Variants in BAIAP2 observed in about 807,000 individuals in gnomAD.
BAIAP2 encodes BAR/IMD domain-containing adapter protein 2.
Under a neutral mutation model 63.0 loss-of-function variants are expected in BAIAP2, and 18 were observed. That is an observed-to-expected ratio of 0.29 (90% CI 0.20 to 0.42). The LOEUF (loss-of-function observed/expected upper bound fraction) is 0.42, where lower values mean the gene tolerates loss of function less well. Among genes scored for constraint, BAIAP2 ranks in the 10% least tolerant of loss-of-function variants. The pLI, the probability that BAIAP2 is intolerant of heterozygous loss-of-function variation, is 1.00. For missense variants in BAIAP2, 610 were observed against 734.3 expected (o/e 0.83, Z 1.96); for synonymous variants, 386 against 307.6 (o/e 1.25, Z -2.67).
At chr17:81,113,958 CTTTTTTTTT>C (rs58758919) in intron 13 of BAIAP2, among the ~76,000 whole-genome samples, 68 of 83,178 alleles carry the variant, frequency 8.2e-4, no homozygotes, top group African/African-American at 2.8e-3. Flanking sequence ...TGGGAACCCA[CTTTTTTTTT>C]TTTTTTTTTT....
chr17:81,113,091 C>T lies in BAIAP2; in HGVS notation c.1536-2679C>T, dbSNP rs148584469. ...ACAATTTAAAAATTAGAAAAGCCAC[C>T]GGTCTCCCCTGCGGCCTTGCTTAGG... is the stretch of plus-strand genomic sequence containing the variant. On this transcript the variant is annotated intron_variant, in intron 13 of 13. Coordinates refer to ENST00000428708, the MANE Select transcript of BAIAP2 (RefSeq NM_001144888.2). Among the ~76,000 whole-genome samples, 392 of 152,212 alleles carry T rather than the reference C, an allele frequency of 2.6e-3. 3 individuals carry two copies. Among genetic ancestry groups the T allele is most frequent in the African/African-American group, 8.4e-3 (350 of 41,530 alleles).
At chr17:81,112,833 T>C (rs1029844903) in intron 13 of BAIAP2, among the ~76,000 whole-genome samples, 10 of 152,182 alleles carry the variant, frequency 6.6e-5, no homozygotes, top group African/African-American at 1.9e-4. Flanking sequence ...AGAGGATCTC[T>C]TGAGCCCAGG....
At chr17:81,094,548 G>A (rs997822044) in intron 6 of BAIAP2, among the ~76,000 whole-genome samples, 13 of 152,320 alleles carry the variant, frequency 8.5e-5, no homozygotes, top group Non-Finnish European at 1.8e-4. Context: ...CGGGGCCAGA[G>A]GGTGCGGCTT....
rs1351520450 is a variant in BAIAP2 at position 81,103,597 on chromosome 17, G to T, written c.738G>T (p.Gln246His). The change falls in exon 8 of 14, where the codon CAG (glutamine) becomes CAT (histidine). Residue 246 changes from glutamine (Q) to histidine (H), a missense_variant. By Grantham distance (24) the Gln-to-His change is conservative (BLOSUM62 0). This residue lies in a region of BAIAP2 where 389 missense variants were observed against 455.6 expected (regional missense o/e 0.85). Coordinates refer to ENST00000428708, the MANE Select transcript of BAIAP2 (RefSeq NM_001144888.2). ...AGCGCGCGGTGCAGCTCATGCAGCA[G>T]GTGGCCAGCAACGGCGCCACCCTCC... ...IPERAVQLMQQVASNGATLPS... is the reference protein window; with the variant it reads ...IPERAVQLMQHVASNGATLPS... 1.2e-6 allele frequency: 2 copies of T among 1,605,154 alleles called. 1 individual carries two copies. Among genetic ancestry groups the T allele is most frequent in the African/African-American group, 2.7e-5 (2 of 75,044 alleles).
intron 1 of BAIAP2, among the ~76,000 whole-genome samples, chr17:81,037,275 G>A (rs991566937): frequency 2.0e-5 from 3 of 152,358 alleles, no homozygotes; most frequent in South Asian, 2.1e-4. Flanking sequence ...GGCAGGACGC[G>A]GTGGGCCGCA....
At chr17:81,105,947 GTC>G (rs1568183904) in intron 10 of BAIAP2, 129 bp from the exon 11 acceptor site, 1 of 744,026 alleles carries the variant, frequency 1.3e-6, no homozygotes, top group South Asian at 1.7e-5. Flanking sequence ...CTGGAGCACT[GTC>G]TCTGTTGCTC....
In BAIAP2 at chr17:81,103,601, G is replaced by A. The variant is rs757844412; in HGVS notation, c.742G>A (p.Ala248Thr). ...ERAVQLMQQV[A>T]SNGATLPSAL... is the part of the protein sequence containing the mutation. ...CGCGGTGCAGCTCATGCAGCAGGTG[G>A]CCAGCAACGGCGCCACCCTCCCCAG... The change falls in exon 8 of 14, where the codon GCC becomes ACC. Residue 248 changes from alanine (A) to threonine (T), a missense_variant. Around this residue, in one of 5 missense-constraint regions of BAIAP2, gnomAD observed 389 missense variants for 455.6 expected, o/e 0.85. Coordinates refer to ENST00000428708, the MANE Select transcript of BAIAP2 (RefSeq NM_001144888.2). 1.9e-6 allele frequency: 3 copies of A among 1,605,020 alleles called. No individual in the cohort carries two copies. Among genetic ancestry groups the A allele is most frequent in the African/African-American group, 2.7e-5 (2 of 75,048 alleles).
At chr17:81,094,174 C>G (rs755227240) in intron 6 of BAIAP2, among the ~76,000 whole-genome samples, 30 of 152,316 alleles carry the variant, frequency 2.0e-4, no homozygotes, top group Non-Finnish European at 3.7e-4. Context: ...TCTTAGCCCC[C>G]ACTTCTCCTG....
chr17:81,115,840 T>G lies in BAIAP2; in HGVS notation c.*1T>G. The G allele has an allele frequency of 6.2e-7, 1 of 1,613,304 alleles. No individual in the cohort carries two copies. The highest frequency in any genetic ancestry group is 8.5e-7 in the Non-Finnish European group (1 of 1,180,004). ...CAGGTCTGCCCCCCTCCTCAGCTGA[T>G]GGCCACATCTGCAGTGCTGCCCATC... On this transcript the variant is annotated 3_prime_UTR_variant, in exon 14 of 14. Coordinates refer to ENST00000428708, the MANE Select transcript of BAIAP2 (RefSeq NM_001144888.2).
In BAIAP2 at chr17:81,115,876, C is replaced by T. The variant is rs752857619; in HGVS notation, c.*37C>T. ...GCAGTGCTGCCCATCTGGTGGCTTC[C>T]CCCGCCCTTCCCATGTAGCCTGTTC... On this transcript the variant is annotated 3_prime_UTR_variant, in exon 14 of 14. Coordinates refer to ENST00000428708, the MANE Select transcript of BAIAP2 (RefSeq NM_001144888.2). 1.2e-5 allele frequency: 19 copies of T among 1,610,798 alleles called. No individual in the cohort carries two copies. The African/African-American group carries it at 2.3e-4, about 19-fold the overall frequency.
At chr17:81,051,903 C>T (rs61590297) in intron 1 of BAIAP2, among the ~76,000 whole-genome samples, 5,630 of 152,238 alleles carry the variant, frequency 0.037, 367 homozygotes, top group African/African-American at 0.13. Flanking sequence ...TTGCCCAGGC[C>T]GGTCTTGAAC....
intron 7 of BAIAP2, among the ~76,000 whole-genome samples, chr17:81,101,150 C>T (rs1352086420): frequency 6.6e-6 from 1 of 152,102 alleles, no homozygotes; most frequent in East Asian, 1.9e-4. Flanking sequence ...AGTCCTGCAG[C>T]CCTGTGTTTC....
At chr17:81,100,139 A>G in intron 7 of BAIAP2, 59 bp downstream of exon 7, 1 of 1,547,796 alleles carries the variant, frequency 6.5e-7, no homozygotes, top group Non-Finnish European at 8.7e-7. Context: ...GAAATGACCC[A>G]GGCCCCTGCC....
chr17:81,081,535 C>G (rs1308328218), intron 3 of BAIAP2, among the ~76,000 whole-genome samples: 1 of 152,192 alleles, frequency 6.6e-6, no homozygotes, highest in African/African-American at 2.4e-5. Flanking sequence ...CTCCCGTCTC[C>G]TCCCCTGCCC....
intron 13 of BAIAP2, 38 bp downstream of exon 13, chr17:81,108,547 T>G: frequency 6.2e-7 from 1 of 1,613,428 alleles, no homozygotes; most frequent in Non-Finnish European, 8.5e-7. Context: ...GGACCGTGGG[T>G]GGGTGTGAAG....
At chr17:81,065,387 C>T (rs1460757085) in intron 3 of BAIAP2, among the ~76,000 whole-genome samples, 1 of 152,212 alleles carries the variant, frequency 6.6e-6, no homozygotes, top group African/African-American at 2.4e-5. Flanking sequence ...AGTGGCTCCT[C>T]CTCTGTTTTG....
At chr17:81,067,657 A>T (rs944088482) in intron 3 of BAIAP2, among the ~76,000 whole-genome samples, 2 of 152,092 alleles carry the variant, frequency 1.3e-5, no homozygotes, top group Non-Finnish European at 2.9e-5. Context: ...CTGGAGTCTC[A>T]CTCAGCAAGA....
chr17:81,057,882 T>A lies in BAIAP2; in HGVS notation c.132T>A (p.Gly44=). The A allele has an allele frequency of 6.2e-7, 1 of 1,606,736 alleles. No homozygotes were observed. The highest frequency in any genetic ancestry group is 8.5e-7 in the Non-Finnish European group (1 of 1,177,438). ...CTGCTCCCTTTTCTTCTCTCTCAGGTGTGACGTATGCAGCCAAAGGCTACT... is the reference window on the plus strand; with the variant it reads ...CTGCTCCCTTTTCTTCTCTCTCAGGAGTGACGTATGCAGCCAAAGGCTACT... ...MGKNYEKALA[G]VTYAAKGYFD... The change falls in exon 3 of 14, where the codon GGT becomes GGA. Residue 44 remains glycine (G), a splice_region_variant and synonymous_variant. Coordinates refer to ENST00000428708, the MANE Select transcript of BAIAP2 (RefSeq NM_001144888.2).
At chr17:81,076,205 A>G (rs2053637480) in intron 3 of BAIAP2, 1 of 152,128 alleles carries the variant, frequency 6.6e-6, no homozygotes, top group South Asian at 2.1e-4. Context: ...AGCTTAACTC[A>G]TTTTAAGCTT....
Sources: gnomAD v4.1 joint callset for allele counts (sites outside exome capture counted in the v4.1 genomes callset) on GRCh38, gnomAD v4.1.1 for gene constraint, gnomAD v4.1.1 regional missense constraint, MANE v1.5 for transcripts, NCBI Gene and HGNC (gene_info 2026-07-23, HGNC 2026-07-21) for gene names.